LMTK2: variants seen among roughly 807,000 people sequenced by gnomAD.
LMTK2 encodes lemur tail kinase 2.
Under a neutral mutation model 127.5 loss-of-function variants are expected in LMTK2, and 37 were observed. The observed-to-expected ratio is 0.29, with a 90% CI of 0.22 to 0.38. The LOEUF (loss-of-function observed/expected upper bound fraction) is 0.38, where lower values mean the gene tolerates loss of function less well. LMTK2 is among the 10% of genes least tolerant of loss of function. The pLI, the probability that LMTK2 is intolerant of heterozygous loss-of-function variation, is 1.00. For missense variants in LMTK2, 1,694 were observed against 1,920.3 expected (o/e 0.88, Z 2.20); for synonymous variants, 819 against 810.1 (o/e 1.01, Z -0.19).
chr7:98,156,308 AC>A (rs1292465969), intron 5 of LMTK2, among the ~76,000 whole-genome samples: 11 of 152,140 alleles, frequency 7.2e-5, no homozygotes. Context: ...TACTAAAAAT[AC>A]AAAAAATTAG....
At chr7:98,197,911 G>C (rs1797651630) in intron 11 of LMTK2, among the ~76,000 whole-genome samples, 1 of 152,130 alleles carries the variant, frequency 6.6e-6, no homozygotes, top group Non-Finnish European at 1.5e-5. Flanking sequence ...TGGTTGGTTT[G>C]GGTTTTGTTT....
chr7:98,168,162 G>A (rs1797130895), intron 6 of LMTK2, among the ~76,000 whole-genome samples: 1 of 150,052 alleles, frequency 6.7e-6, no homozygotes, highest in African/African-American at 2.5e-5. Context: ...AGAAAGAAGT[G>A]GAGGGCTGGG....
intron 13 of LMTK2, among the ~76,000 whole-genome samples, chr7:98,204,598 G>A (rs1797761223): frequency 6.6e-6 from 1 of 152,244 alleles, no homozygotes. Context: ...CTGCCCTCCA[G>A]CATGGGTGAC....
intron 1 of LMTK2, among the ~76,000 whole-genome samples, chr7:98,118,917 C>A (rs1796323585): frequency 6.6e-6 from 1 of 151,948 alleles, no homozygotes; most frequent in South Asian, 2.1e-4. Flanking sequence ...ATGGTGAAAC[C>A]GCGTCTCTAC....
rs1376328971 is a variant in LMTK2, at chr7:98,193,592, A to G, written c.3127A>G (p.Thr1043Ala). The change falls in exon 11 of 14, where the codon ACC (threonine) becomes GCC (alanine). Residue 1043 changes from threonine to alanine, a missense_variant. Physicochemically the swap from Thr to Ala is moderately conservative, Grantham distance 58. Around this residue, in one of 8 missense-constraint regions of LMTK2, gnomAD observed 65 missense variants for 116.5 expected, o/e 0.56. Transcript: ENST00000297293. This position sits in a 1 kb window ranked among gnomAD's most constrained non-coding sequence, Gnocchi z 4.1. The part of the protein sequence containing the change: ...ETENLESPEW[T>A]LHPAPEGTAD... Reference sequence around the variant, plus strand: ...AGAGAACTTGGAGTCTCCCGAGTGGACCTTGCATCCCGCTCCCGAGGGCAC... The same window carrying G: ...AGAGAACTTGGAGTCTCCCGAGTGGGCCTTGCATCCCGCTCCCGAGGGCAC... The G allele has an allele frequency of 6.2e-7, 1 of 1,613,966 alleles. No individual in the cohort carries two copies. Among genetic ancestry groups the G allele is most frequent in the South Asian group, 1.1e-5 (1 of 91,072 alleles).
At position 98,208,376 on chromosome 7, in the gene LMTK2, C is replaced by A. The variant is rs1384391955; in HGVS notation, c.*2884C>A. On this transcript the variant is annotated 3_prime_UTR_variant, in exon 14 of 14. Coordinates refer to ENST00000297293, the MANE Select transcript of LMTK2 (RefSeq NM_014916.4). ...ATGTCAGCATGTGCTGTGTTCAGTT[C>A]AGGTTTTTGTTGTTTGTTTTGTTAT... is the stretch of plus-strand genomic sequence containing the variant. The A allele has an allele frequency of 2.0e-5, 3 of 152,046 alleles. No individual in the cohort carries two copies. The highest frequency in any genetic ancestry group is 7.2e-5 in the African/African-American group (3 of 41,380). 9.4% of individuals were successfully genotyped at this position (152,046 alleles called of 1,614,324 possible). A position where few individuals can be genotyped will look rare whatever the true frequency, so the allele number is the denominator to read the frequency against.
chr7:98,176,586 T>TA (rs1438228344), intron 7 of LMTK2, among the ~76,000 whole-genome samples: 17 of 152,294 alleles, frequency 1.1e-4, no homozygotes, highest in African/African-American at 3.8e-4. Context: ...GGCTCACACC[T>TA]GTAATCTCAG....
intron 4 of LMTK2, among the ~76,000 whole-genome samples, chr7:98,153,799 G>A (rs908133242): frequency 2.0e-5 from 3 of 151,974 alleles, no homozygotes; most frequent in Non-Finnish European, 2.9e-5. Context: ...CCAGGAGTTC[G>A]AGGCTGCAGT....
At chr7:98,148,502 A>T (rs34182753) in intron 3 of LMTK2, among the ~76,000 whole-genome samples, 4,226 of 149,004 alleles carry the variant, frequency 0.028, 83 homozygotes, top group Middle Eastern at 0.072. Context: ...CAAAAAAAAA[A>T]AAAAATAATA....
intron 1 of LMTK2, among the ~76,000 whole-genome samples, chr7:98,135,198 T>TC (rs759947284): frequency 6.6e-6 from 1 of 152,244 alleles, no homozygotes; most frequent in Non-Finnish European, 1.5e-5. Flanking sequence ...GTTTTTCCTC[T>TC]CTTCAAGTAC....
At chr7:98,165,864 G>A (rs1248221299) in intron 6 of LMTK2, among the ~76,000 whole-genome samples, 3 of 152,286 alleles carry the variant, frequency 2.0e-5, no homozygotes, top group Middle Eastern at 6.8e-3. Flanking sequence ...ACAGGCGTGA[G>A]GAGAGCTGGG....
rs1295642346 is a variant in LMTK2, at chr7:98,191,932, C to T, written c.1467C>T (p.Arg489=). The change falls in exon 11 of 14, where the codon CGC becomes CGT. Residue 489 remains arginine (R), a synonymous_variant. Coordinates refer to ENST00000297293, the MANE Select transcript of LMTK2 (RefSeq NM_014916.4). ...CTAAGCACGACCACTTTGACGAGCGCAGCCGGGGCCACCTGGACGAAGGCT... is the reference window on the plus strand; with the variant it reads ...CTAAGCACGACCACTTTGACGAGCGTAGCCGGGGCCACCTGGACGAAGGCT... The part of the protein sequence containing the change: ...EAAKHDHFDE[R]SRGHLDEGLS... The T allele has an allele frequency of 1.9e-6, 3 of 1,613,994 alleles. No homozygotes were observed. The highest frequency in any genetic ancestry group is 2.7e-5 in the African/African-American group (2 of 74,886).
At position 98,107,203 on chromosome 7, in the gene LMTK2, G is replaced by C; in HGVS notation, c.26G>C (p.Arg9Pro). The C allele has an allele frequency of 6.9e-7, 1 of 1,456,928 alleles. No individual in the cohort carries two copies. Among genetic ancestry groups the C allele is most frequent in the Non-Finnish European group, 9.0e-7 (1 of 1,112,714 alleles). The allele number at this position is 1,456,928 out of a possible 1,614,324, so 90.3% of individuals were successfully genotyped here. Reference sequence around the variant, plus strand: ...ATGCCGGGGCCGCCGGCGTTGCGGCGGAGGCTGCTGCTGCTGCTGCTGGTC... The same window carrying C: ...ATGCCGGGGCCGCCGGCGTTGCGGCCGAGGCTGCTGCTGCTGCTGCTGGTC... MPGPPALRRRLLLLLLVLL... is the reference protein window; with the variant it reads MPGPPALRPRLLLLLLVLL... Residue 9 changes from arginine to proline, a missense_variant, in exon 1 of 14, where the codon CGG becomes CCG. By Grantham distance (103) the Arg-to-Pro change is moderately radical. This residue lies in a region of LMTK2 where 76 missense variants were observed against 82.0 expected (regional missense o/e 0.93). Transcript: ENST00000297293.
At chr7:98,177,112 TG>T (rs1797290017) in intron 7 of LMTK2, among the ~76,000 whole-genome samples, 1 of 152,204 alleles carries the variant, frequency 6.6e-6, no homozygotes, top group African/African-American at 2.4e-5. Flanking sequence ...CCTTCTTTAC[TG>T]GTGCCATGGT....
intron 5 of LMTK2, among the ~76,000 whole-genome samples, chr7:98,157,847 C>T (rs1478165996): frequency 6.6e-6 from 1 of 152,116 alleles, no homozygotes; most frequent in East Asian, 1.9e-4. Context: ...GCGGGAAGAT[C>T]TTTGTGGTGA....
chr7:98,187,191 A>C (rs1797448701), intron 9 of LMTK2, among the ~76,000 whole-genome samples, 193 bp downstream of exon 9: 1 of 152,254 alleles, frequency 6.6e-6, no homozygotes, highest in South Asian at 2.1e-4. Flanking sequence ...TAACGTTTTG[A>C]ATACTGCCCC....
chr7:98,196,814 G>A (rs1797628618), intron 11 of LMTK2, among the ~76,000 whole-genome samples: 1 of 152,224 alleles, frequency 6.6e-6, no homozygotes, highest in Admixed American at 6.5e-5. Flanking sequence ...ATGGACGCGA[G>A]GCTTTGACAA....
In LMTK2 at chr7:98,193,087, C is replaced by T; in HGVS notation, c.2622C>T (p.Ala874=). Residue 874 remains alanine (A), a synonymous_variant, in exon 11 of 14, where the codon GCC becomes GCT. Coordinates refer to ENST00000297293, the MANE Select transcript of LMTK2 (RefSeq NM_014916.4). The surrounding 1 kb of genome is among the most constrained non-coding windows in gnomAD (Gnocchi z 4.1). ...TVPVEILSTD[A]RTHSLDNRSQ... ...CGGTTGAAATTCTCTCAACTGATGC[C>T]AGAACCCACAGCCTGGATAACAGGT... is the stretch of plus-strand genomic sequence containing the variant. 6.2e-7 allele frequency: 1 copy of T among 1,613,812 alleles called. No individual in the cohort carries two copies. Among genetic ancestry groups the T allele is most frequent in the African/African-American group, 1.3e-5 (1 of 75,030 alleles).
At chr7:98,120,674 T>C (rs1382181201) in intron 1 of LMTK2, among the ~76,000 whole-genome samples, 1 of 152,192 alleles carries the variant, frequency 6.6e-6, no homozygotes, top group Non-Finnish European at 1.5e-5. Flanking sequence ...CCCCATTCTT[T>C]CCTGGCAATT....
Sources: allele counts gnomAD v4.1 joint callset (sites outside exome capture counted in the v4.1 genomes callset), GRCh38; gene constraint gnomAD v4.1.1; regional missense constraint gnomAD v4.1.1; non-coding constraint Gnocchi (gnomAD v3.1); transcripts MANE v1.5; gene names NCBI Gene and HGNC (gene_info 2026-07-23, HGNC 2026-07-21).